Variants in ANAPC10 observed in about 807,000 individuals in gnomAD.
ANAPC10 encodes the protein anaphase promoting complex subunit 10, also known as anaphase-promoting complex subunit 10.
In ANAPC10, 12 loss-of-function variants were observed where a neutral mutation model predicts 22.0. That is an observed-to-expected ratio of 0.55 (90% confidence interval 0.35 to 0.88). The LOEUF is 0.88. ANAPC10 is among the 40% of genes least tolerant of loss of function. The pLI is 0.01. For missense variants in ANAPC10, 188 were observed against 220.9 expected (o/e 0.85, Z 0.94); for synonymous variants, 65 against 69.5 (o/e 0.94, Z 0.32).
chr4:145,059,361 T>A (rs1742537810), intron 4 of ANAPC10, among the ~76,000 whole-genome samples: 1 of 152,094 alleles, frequency 6.6e-6, no homozygotes, highest in South Asian at 2.1e-4. Flanking sequence ...AAAGGCCACA[T>A]GAAACCATGG....
Position 145,092,677 on chromosome 4 carries a change from G to C in ANAPC10, c.115+3308C>G, listed in dbSNP as rs185181430. 7.9e-5 allele frequency among the ~76,000 whole-genome samples: 12 copies of C among 152,232 alleles called. No individual in the cohort carries two copies. In the East Asian group the frequency reaches 2.3e-3, roughly 29 times the overall value. ...ACATAAAGACTGGGAGAGGGGAAGA[G>C]ACTAAACAGCCTAAGTCAGTGCTAC... On this transcript the variant is annotated intron_variant, in intron 2 of 4. Coordinates refer to ENST00000507656, the MANE Select transcript of ANAPC10 (RefSeq NM_001256706.2).
intron 2 of ANAPC10, among the ~76,000 whole-genome samples, chr4:145,095,736 A>T (rs905213890): frequency 6.6e-6 from 1 of 152,200 alleles, no homozygotes; most frequent in Admixed American, 6.5e-5. Flanking sequence ...TTCTATTGTT[A>T]TAATTGTTCT....
intron 4 of ANAPC10, among the ~76,000 whole-genome samples, chr4:145,041,357 T>C (rs1271519163): frequency 6.6e-6 from 1 of 152,232 alleles, no homozygotes; most frequent in East Asian, 1.9e-4. Flanking sequence ...TTGACATGAA[T>C]AATCATCATT....
intron 4 of ANAPC10, among the ~76,000 whole-genome samples, chr4:145,057,375 G>A (rs530107885): frequency 2.6e-5 from 4 of 152,058 alleles, no homozygotes; most frequent in Non-Finnish European, 5.9e-5. Context: ...AGATAATCCT[G>A]ACTTTATATG....
At position 145,054,665 on chromosome 4, in the gene ANAPC10, C is replaced by T. The variant is rs142470022; in HGVS notation, c.327+9907G>A. On this transcript the variant is annotated intron_variant, in intron 4 of 4. Transcript: ENST00000507656. ...TGCGCGCGCGCGCGCGTGCGTGCAG[C>T]GCATGTGTGTGTGTGTGCCTGTGTG... is the stretch of plus-strand genomic sequence containing the variant. 4.2e-3 allele frequency among the ~76,000 whole-genome samples: 601 copies of T among 143,720 alleles called. 4 individuals are homozygous for T. The highest frequency in any genetic ancestry group is 0.015 in the African/African-American group (553 of 38,114). 94.3% of individuals were successfully genotyped at this position (143,720 alleles called of 152,430 possible).
intron 4 of ANAPC10, among the ~76,000 whole-genome samples, chr4:145,055,417 G>C (rs1455735352): frequency 6.6e-6 from 1 of 152,094 alleles, no homozygotes; most frequent in African/African-American, 2.4e-5. Context: ...AGTTAGCCGG[G>C]CATGGTGGTG....
chr4:145,086,971 T>G (rs1158765084), intron 2 of ANAPC10, among the ~76,000 whole-genome samples: 1 of 151,858 alleles, frequency 6.6e-6, no homozygotes, highest in Non-Finnish European at 1.5e-5. Flanking sequence ...TGCACTCCAG[T>G]CAATAACGGG....
At chr4:145,005,672 T>C (rs1307534303) in intron 4 of ANAPC10, among the ~76,000 whole-genome samples, 1 of 152,210 alleles carries the variant, frequency 6.6e-6, no homozygotes, top group Non-Finnish European at 1.5e-5. Flanking sequence ...TTTGTTTTCA[T>C]TAGTTTCAAA....
intron 4 of ANAPC10, among the ~76,000 whole-genome samples, chr4:145,050,863 C>T (rs1011852384): frequency 1.3e-5 from 2 of 152,208 alleles, no homozygotes; most frequent in Admixed American, 1.3e-4. Context: ...CTGGTTTAAT[C>T]TTCCATCTAG....
chr4:145,060,887 C>G (rs1362257476), intron 4 of ANAPC10, among the ~76,000 whole-genome samples: 3 of 151,852 alleles, frequency 2.0e-5, no homozygotes, highest in Admixed American at 6.6e-5. Flanking sequence ...CTATCAGGCT[C>G]CTATTTAACT....
intron 4 of ANAPC10, among the ~76,000 whole-genome samples, chr4:145,051,203 G>A (rs1345116209): frequency 6.6e-6 from 1 of 151,766 alleles, no homozygotes; most frequent in Non-Finnish European, 1.5e-5. Flanking sequence ...TTTCAATATT[G>A]TTGTGTCTCA....
At chr4:145,076,484 C>T (rs1177698157) in intron 3 of ANAPC10, among the ~76,000 whole-genome samples, 1 of 152,200 alleles carries the variant, frequency 6.6e-6, no homozygotes, top group African/African-American at 2.4e-5. Flanking sequence ...GGAACATTTT[C>T]CCACACAGAT....
intron 4 of ANAPC10, among the ~76,000 whole-genome samples, chr4:145,032,330 A>AT: frequency 6.6e-6 from 1 of 152,242 alleles, no homozygotes; most frequent in Non-Finnish European, 1.5e-5. Context: ...CGGATGTACA[A>AT]TTATACACTG....
At chr4:145,042,063 A>G (rs1579009768) in intron 4 of ANAPC10, among the ~76,000 whole-genome samples, 1 of 152,334 alleles carries the variant, frequency 6.6e-6, no homozygotes, top group South Asian at 2.1e-4. Flanking sequence ...ACCAAATTTT[A>G]ACCTTAAGTT....
chr4:145,085,100 A>T (rs1410344091), intron 2 of ANAPC10, among the ~76,000 whole-genome samples: 1 of 152,166 alleles, frequency 6.6e-6, no homozygotes, highest in East Asian at 1.9e-4. Flanking sequence ...ACATAGTGAG[A>T]CACTGTCTAT....
intron 4 of ANAPC10, among the ~76,000 whole-genome samples, chr4:145,040,155 G>C (rs1216153104): frequency 6.6e-6 from 1 of 151,560 alleles, no homozygotes; most frequent in African/African-American, 2.4e-5. Flanking sequence ...GTGTGTGTGT[G>C]TGTGTGTGTT....
chr4:145,014,287 G>C lies in ANAPC10; in HGVS notation c.328-18684C>G, dbSNP rs142399138. Among the ~76,000 whole-genome samples, 471 of 152,148 alleles carry C rather than the reference G, an allele frequency of 3.1e-3. 3 individuals carry two copies. The highest frequency in any genetic ancestry group is 0.011 in the African/African-American group (462 of 41,492). ...TGAGACCGGCCCTTTGGATTGTGTGGAAGCTGGGTAAGGCCTGTGATTGCT... is the reference window on the plus strand; with the variant it reads ...TGAGACCGGCCCTTTGGATTGTGTGCAAGCTGGGTAAGGCCTGTGATTGCT... On this transcript the variant is annotated intron_variant, in intron 4 of 4. Transcript: ENST00000507656.
intron 4 of ANAPC10, among the ~76,000 whole-genome samples, chr4:145,046,807 A>G (rs933452789): frequency 5.3e-5 from 8 of 152,120 alleles, no homozygotes; most frequent in African/African-American, 1.9e-4. Context: ...AAAACACTTC[A>G]TGCTTAGATC....
intron 3 of ANAPC10, among the ~76,000 whole-genome samples, chr4:145,079,661 A>G (rs1745680733): frequency 6.6e-6 from 1 of 152,218 alleles, no homozygotes; most frequent in Non-Finnish European, 1.5e-5. Flanking sequence ...GATAAAGAAA[A>G]TATTGTAAAC....
Sources: gnomAD v4.1 joint callset for allele counts (sites outside exome capture counted in the v4.1 genomes callset) on GRCh38, gnomAD v4.1.1 for gene constraint, MANE v1.5 for transcripts, NCBI Gene and HGNC (gene_info 2026-07-23, HGNC 2026-07-21) for gene names.